ELAVL4: variants seen among roughly 807,000 people sequenced by gnomAD.
The protein encoded by ELAVL4 is ELAV like RNA binding protein 4.
In ELAVL4, 1 loss-of-function variant was observed where a neutral mutation model predicts 35.6. That is an observed-to-expected ratio of 0.03 (90% confidence interval 0.01 to 0.13). The LOEUF (loss-of-function observed/expected upper bound fraction) is 0.13. ELAVL4 is among the 10% of genes least tolerant of loss of function. The pLI, the probability that ELAVL4 is intolerant of heterozygous loss-of-function variation, is 1.00. For missense variants in ELAVL4, 267 were observed against 464.9 expected, an observed-to-expected ratio of 0.57 and a Z score of 3.91; for synonymous variants, 156 against 171.0, an observed-to-expected ratio of 0.91 and a Z score of 0.69.
At chr1:50,074,950 AAAT>A (rs1664694274) in intron 1 of ELAVL4, among the ~76,000 whole-genome samples, 1 of 152,244 alleles carries the variant, frequency 6.6e-6, no homozygotes, top group Non-Finnish European at 1.5e-5. Context: ...GGGATAGCAT[AAAT>A]AATAGTAAAA....
intron 1 of ELAVL4, among the ~76,000 whole-genome samples, chr1:50,053,955 G>A (rs1186779864): frequency 6.6e-6 from 1 of 152,174 alleles, no homozygotes; most frequent in African/African-American, 2.4e-5. Flanking sequence ...AGTTTTAGTT[G>A]TGTGGCTATC....
chr1:50,195,837 G>C, intron 5 of ELAVL4, 51 bp downstream of exon 5: 2 of 1,602,782 alleles, frequency 1.2e-6, no homozygotes, highest in Non-Finnish European at 1.7e-6. Context: ...TCATAGCTGG[G>C]CAAGAGCCAG....
chr1:50,101,888 A>T (rs1043176632), upstream of ELAVL4, among the ~76,000 whole-genome samples: 5 of 152,248 alleles, frequency 3.3e-5, no homozygotes, highest in Non-Finnish European at 5.9e-5. Flanking sequence ...CACTACTGAC[A>T]ATTTACTGGG....
intron 2 of ELAVL4, among the ~76,000 whole-genome samples, chr1:50,151,952 G>A (rs1357899138): frequency 2.0e-5 from 3 of 152,248 alleles, no homozygotes; most frequent in Admixed American, 6.5e-5. Flanking sequence ...CTTGAAGAAC[G>A]TCAGAACGTG....
In ELAVL4 at chr1:50,202,247, T is replaced by C. The variant is rs1644420634; in HGVS notation, c.*1069T>C. On this transcript the variant is annotated 3_prime_UTR_variant, in exon 7 of 7. Coordinates refer to ENST00000371824, the MANE Select transcript of ELAVL4 (RefSeq NM_001144774.3). ...CAAGGAGATGAGTTGAAAGACAGTT[T>C]TTCTTTAAGTCATCAGTATGGGATG... 6.6e-6 allele frequency: 1 copy of C among 152,188 alleles called. No individual in the cohort carries two copies. 9.4% of individuals were successfully genotyped at this position (152,188 alleles called of 1,614,324 possible).
intron 3 of ELAVL4, among the ~76,000 whole-genome samples, chr1:50,182,896 G>T (rs1681261598): frequency 6.7e-6 from 1 of 149,680 alleles, no homozygotes; most frequent in South Asian, 2.1e-4. Flanking sequence ...TTAAGACAGG[G>T]TCTCGCTTGG....
intron 2 of ELAVL4, among the ~76,000 whole-genome samples, chr1:50,160,091 A>C (rs539697078): frequency 6.6e-6 from 1 of 152,278 alleles, no homozygotes; most frequent in South Asian, 2.1e-4. Flanking sequence ...TCAGGGTGAC[A>C]TTCCATTTTC....
At chr1:50,142,021 T>C (rs773442923) in intron 1 of ELAVL4, among the ~76,000 whole-genome samples, 2 of 152,226 alleles carry the variant, frequency 1.3e-5, no homozygotes, top group African/African-American at 2.4e-5. Flanking sequence ...GGAATAATAG[T>C]TATGATGCCT....
At chr1:50,188,871 C>A (rs1572599411) in intron 3 of ELAVL4, among the ~76,000 whole-genome samples, 2 of 152,298 alleles carry the variant, frequency 1.3e-5, no homozygotes, top group African/African-American at 4.8e-5. Context: ...GGGGTTCTCT[C>A]CACATGGAAG....
chr1:50,185,815 TA>T (rs1388622773), intron 3 of ELAVL4, among the ~76,000 whole-genome samples: 2 of 152,158 alleles, frequency 1.3e-5, no homozygotes, highest in African/African-American at 4.8e-5. Flanking sequence ...GCAACATATA[TA>T]AAAAGCTTTG....
chr1:50,178,677 G>A (rs1207277168), intron 3 of ELAVL4, among the ~76,000 whole-genome samples: 1 of 152,102 alleles, frequency 6.6e-6, no homozygotes, highest in Non-Finnish European at 1.5e-5. Context: ...AGAGGCAGGA[G>A]GATTAATTTC....
At chr1:50,067,935 A>G (rs1411788028) in intron 1 of ELAVL4, among the ~76,000 whole-genome samples, 2 of 152,162 alleles carry the variant, frequency 1.3e-5, no homozygotes, top group African/African-American at 4.8e-5. Flanking sequence ...TCGCTATCAC[A>G]AGAACAGCAG....
chr1:50,171,151 G>T (rs892527997), intron 2 of ELAVL4, among the ~76,000 whole-genome samples: 4 of 152,172 alleles, frequency 2.6e-5, no homozygotes, highest in Non-Finnish European at 5.9e-5. Context: ...AATAAGCCAA[G>T]ACTCATTGTA....
intron 1 of ELAVL4, among the ~76,000 whole-genome samples, chr1:50,059,114 A>C (rs1214935632): frequency 1.3e-5 from 2 of 152,156 alleles, no homozygotes; most frequent in African/African-American, 4.8e-5. Context: ...ACATTTATTG[A>C]GTGCCTAGTA....
In ELAVL4 at chr1:50,119,054, AAG is replaced by A. The variant is rs749215816; in HGVS notation, c.9+9858_9+9859del. On this transcript the variant is annotated intron_variant, in intron 1 of 6. Transcript: ENST00000371824. ...AGAAAGAAAAAGAAAGAAAGAAAGA[AAG>A]AAAGAAAGAAAGAAAGAAAGAAAGA... Among the ~76,000 whole-genome samples, 9 of 131,456 alleles carry A rather than the reference AAG, an allele frequency of 6.8e-5. 1 individual carries two copies. The highest frequency in any genetic ancestry group is 1.5e-4 in the Admixed American group (2 of 13,326). The allele number at this position is 131,456 out of a possible 152,430, so 86.2% of individuals were successfully genotyped here.
intron 1 of ELAVL4, among the ~76,000 whole-genome samples, chr1:50,142,993 C>T (rs1673079867): frequency 6.6e-6 from 1 of 151,960 alleles, no homozygotes; most frequent in Non-Finnish European, 1.5e-5. Flanking sequence ...TGAAAAGGCA[C>T]AAAAGAGTAT....
chr1:50,118,946 G>GAT (rs767046783), intron 1 of ELAVL4, among the ~76,000 whole-genome samples: 1 of 125,528 alleles, frequency 8.0e-6, no homozygotes, highest in South Asian at 3.2e-4. Flanking sequence ...AAAAAAGAAA[G>GAT]AGAGAGAGAG....
chr1:50,062,839 G>A (rs896905638), intron 1 of ELAVL4, among the ~76,000 whole-genome samples: 1 of 152,146 alleles, frequency 6.6e-6, no homozygotes, highest in South Asian at 2.1e-4. Context: ...GCTTCCCGAT[G>A]ATACAAATAT....
chr1:50,087,126 T>C (rs1355956292), intron 1 of ELAVL4, among the ~76,000 whole-genome samples: 1 of 152,236 alleles, frequency 6.6e-6, no homozygotes, highest in Admixed American at 6.5e-5. Flanking sequence ...TTATTTTCCA[T>C]GTGAAAACCC....
Sources: gnomAD v4.1 joint callset for allele counts (sites outside exome capture counted in the v4.1 genomes callset) on GRCh38, gnomAD v4.1.1 for gene constraint, MANE v1.5 for transcripts, NCBI Gene and HGNC (gene_info 2026-07-23, HGNC 2026-07-21) for gene names.